The following MSR1 variants were observed in gnomAD, a reference collection of about 807,000 sequenced individuals.
The protein encoded by MSR1 is macrophage scavenger receptor types I and II.
Under a neutral mutation model 47.2 loss-of-function variants are expected in MSR1, and 53 were observed. The observed-to-expected ratio is 1.12, with a 90% confidence interval of 0.90 to 1.41. The LOEUF is 1.41. Ranked by LOEUF, MSR1 falls within the 40% of genes most tolerant of loss-of-function variation. The probability of loss-of-function intolerance (pLI) is 0.00; values close to 1 mark genes in which losing one functional copy is unlikely to be tolerated. For missense variants in MSR1, 786 were observed against 546.9 expected (o/e 1.44, Z -4.36); for synonymous variants, 239 against 185.6 (o/e 1.29, Z -2.34).
Position 16,110,236 on chromosome 8 carries a change from A to C in MSR1, c.1223-18T>G. On this transcript the variant is annotated intron_variant, in intron 9 of 9. Transcript: ENST00000262101. ...ACCAGTACCTGCAATAATGAGGTAT[A>C]ACTGCATTAGTAAGTTTAGAGTTTA... 1 of 1,612,618 alleles carries C rather than the reference A, an allele frequency of 6.2e-7. No individual in the cohort carries two copies. The highest frequency in any genetic ancestry group is 8.5e-7 in the Non-Finnish European group (1 of 1,178,988).
At chr8:16,168,174 G>T (rs1289583667) in intron 4 of MSR1, among the ~76,000 whole-genome samples, 1 of 152,130 alleles carries the variant, frequency 6.6e-6, no homozygotes, top group Admixed American at 6.5e-5. Flanking sequence ...ATTATGATTG[G>T]TTTAGGCAGT....
At chr8:16,111,337 C>T (rs999925681) in intron 9 of MSR1, among the ~76,000 whole-genome samples, 4 of 152,034 alleles carry the variant, frequency 2.6e-5, no homozygotes, top group African/African-American at 9.7e-5. Context: ...TATAAACAAA[C>T]AGAAATTAAA....
rs139416027 is a variant in MSR1, at chr8:16,140,759, G to C, written c.1033+2799C>G. On this transcript the variant is annotated intron_variant, in intron 8 of 9. Transcript: ENST00000262101. ...GAGGTGTCCAGGCTGGGGGTGATAGGGGAGAGAGGTGATGGTGGAGTAATT... is the reference window on the plus strand; with the variant it reads ...GAGGTGTCCAGGCTGGGGGTGATAGCGGAGAGAGGTGATGGTGGAGTAATT... The C allele has an allele frequency of 8.6e-3, 12,382 of 1,434,822 alleles. 106 individuals carry two copies. Among genetic ancestry groups the C allele is most frequent in the Non-Finnish European group, 0.01 (11,459 of 1,098,946 alleles). 88.9% of individuals were successfully genotyped at this position (1,434,822 alleles called of 1,614,324 possible). A position where few individuals can be genotyped will look rare whatever the true frequency, so the allele number is the denominator to read the frequency against.
At chr8:16,133,865 G>A (rs1800322510) in intron 8 of MSR1, among the ~76,000 whole-genome samples, 2 of 152,250 alleles carry the variant, frequency 1.3e-5, no homozygotes, top group South Asian at 2.1e-4. Context: ...CACCCATCTA[G>A]AAAAAACTTT....
intron 8 of MSR1, among the ~76,000 whole-genome samples, chr8:16,126,697 T>G (rs983543806): frequency 6.6e-6 from 1 of 152,190 alleles, no homozygotes; most frequent in East Asian, 1.9e-4. Flanking sequence ...GGGAGACAAG[T>G]ATTTGGGACA....
intron 5 of MSR1, among the ~76,000 whole-genome samples, chr8:16,156,700 C>T (rs575744365): frequency 7.3e-5 from 11 of 150,472 alleles, no homozygotes; most frequent in South Asian, 2.1e-4. Flanking sequence ...TAAGTGTGTA[C>T]GTGTATTTTT....
At chr8:16,138,335 T>A (rs1288894638) in intron 8 of MSR1, among the ~76,000 whole-genome samples, 2 of 152,116 alleles carry the variant, frequency 1.3e-5, no homozygotes, top group African/African-American at 4.8e-5. Flanking sequence ...CTCTTCCGCG[T>A]TAAGGTGAGA....
chr8:16,168,994 C>A (rs1049973572), intron 3 of MSR1, 124 bp from the exon 4 acceptor site: 4 of 961,954 alleles, frequency 4.2e-6, no homozygotes, highest in Non-Finnish European at 6.3e-6. Context: ...GAATGCTAGG[C>A]TAAATCGAGT....
intron 1 of MSR1, among the ~76,000 whole-genome samples, chr8:16,178,763 G>C (rs1004358904): frequency 6.6e-6 from 1 of 152,008 alleles, no homozygotes; most frequent in Non-Finnish European, 1.5e-5. Context: ...CTCTCCAGCA[G>C]CTGTTGTTTC....
chr8:16,157,687 T>G (rs574576431), intron 5 of MSR1, among the ~76,000 whole-genome samples: 2 of 152,060 alleles, frequency 1.3e-5, no homozygotes, highest in South Asian at 4.1e-4. Flanking sequence ...TACTCTTAGT[T>G]TCTGATGCAG....
chr8:16,115,450 T>G (rs750096790), intron 9 of MSR1, among the ~76,000 whole-genome samples: 1 of 152,104 alleles, frequency 6.6e-6, no homozygotes, highest in Non-Finnish European at 1.5e-5. Flanking sequence ...TAGCTTTCCA[T>G]AAAAACCTCG....
intron 4 of MSR1, among the ~76,000 whole-genome samples, chr8:16,166,207 G>A (rs776734134): frequency 2.6e-5 from 3 of 117,642 alleles, no homozygotes; most frequent in Non-Finnish European, 4.8e-5. Context: ...GTCTCGCACT[G>A]TCACCCAGGC....
chr8:16,147,616 A>T, intron 7 of MSR1, among the ~76,000 whole-genome samples: 1 of 152,104 alleles, frequency 6.6e-6, no homozygotes, highest in Admixed American at 6.6e-5. Context: ...TACTTATTTC[A>T]TATTTGACAA....
intron 9 of MSR1, among the ~76,000 whole-genome samples, chr8:16,118,196 C>G (rs919891181): frequency 6.6e-6 from 1 of 151,986 alleles, no homozygotes; most frequent in Non-Finnish European, 1.5e-5. Flanking sequence ...TTCATTTTGT[C>G]AACAAAAGCA....
chr8:16,112,879 A>G (rs1585129877), intron 9 of MSR1, among the ~76,000 whole-genome samples: 1 of 149,528 alleles, frequency 6.7e-6, no homozygotes. Flanking sequence ...CCATATATAT[A>G]TCTATGATTT....
intron 8 of MSR1, among the ~76,000 whole-genome samples, chr8:16,131,864 A>G (rs1041946715): frequency 1.9e-4 from 29 of 152,026 alleles, no homozygotes; most frequent in Admixed American, 1.8e-3. Context: ...TACTAGTACC[A>G]TGCTGTTTTT....
intron 1 of MSR1, among the ~76,000 whole-genome samples, chr8:16,187,962 C>T (rs1802051420): frequency 2.0e-5 from 3 of 152,084 alleles, no homozygotes; most frequent in African/African-American, 7.2e-5. Context: ...TTGCATGAGC[C>T]TTCATTAGCA....
chr8:16,175,110 G>A (rs1801602954), intron 3 of MSR1, 77 bp downstream of exon 3: 1 of 1,152,538 alleles, frequency 8.7e-7, no homozygotes, highest in African/African-American at 1.5e-5. Context: ...ACAAAAGACT[G>A]AATGCTTCTT....
rs1024105636 is a variant in MSR1, at chr8:16,114,898, C to A, written c.1223-4680G>T. 4.7e-4 allele frequency among the ~76,000 whole-genome samples: 72 copies of A among 152,080 alleles called. 1 individual carries two copies. Among genetic ancestry groups the A allele is most frequent in the South Asian group, 2.1e-4 (1 of 4,822 alleles). ...AGGGTTCATTTAAATTGTTTTCTGG[C>A]TGGGCACAGTGGCTCATGCCTGTAA... is the stretch of plus-strand genomic sequence containing the variant. On this transcript the variant is annotated intron_variant, in intron 9 of 9. Transcript: ENST00000262101.
Sources: gnomAD v4.1 joint callset for allele counts (sites outside exome capture counted in the v4.1 genomes callset) on GRCh38, gnomAD v4.1.1 for gene constraint, MANE v1.5 for transcripts, NCBI Gene and HGNC (gene_info 2026-07-23, HGNC 2026-07-21) for gene names.